GRAMD1A: variants seen among roughly 807,000 people sequenced by gnomAD.
GRAMD1A encodes protein Aster-A.
Under a neutral mutation model 92.0 loss-of-function variants are expected in GRAMD1A, and 50 were observed. The ratio of observed to expected loss-of-function variants is 0.54; its 90% CI spans 0.43 to 0.69. GRAMD1A has a LOEUF of 0.69. Among genes scored for constraint, GRAMD1A ranks in the 30% least tolerant of loss-of-function variants. The pLI is 0.00. For missense variants in GRAMD1A, 819 were observed against 978.9 expected (o/e 0.84, Z 2.18); for synonymous variants, 405 against 403.6 (o/e 1.00, Z -0.04).
At chr19:35,022,993 C>A in intron 17 of GRAMD1A, 82 bp downstream of exon 17, 1 of 1,115,994 alleles carries the variant, frequency 9.0e-7, no homozygotes, top group South Asian at 1.4e-5. Flanking sequence ...CCCATGCCCC[C>A]CAGCTCCCCC....
intron 11 of GRAMD1A, among the ~76,000 whole-genome samples, chr19:35,018,106 G>A (rs1232410161): frequency 6.6e-6 from 1 of 151,952 alleles, no homozygotes; most frequent in Admixed American, 6.6e-5. Context: ...TCCTGCCTCA[G>A]CCTCCTGAGT....
intron 1 of GRAMD1A, among the ~76,000 whole-genome samples, chr19:35,005,209 G>A: frequency 6.6e-6 from 1 of 151,968 alleles, no homozygotes; most frequent in East Asian, 1.9e-4. Flanking sequence ...GTGGGGGTTG[G>A]GGGTGGGGAG....
chr19:34,995,307 G>A (rs566887554), intron 1 of GRAMD1A, among the ~76,000 whole-genome samples: 1 of 152,326 alleles, frequency 6.6e-6, no homozygotes, highest in African/African-American at 2.4e-5. Context: ...AATAGCCCAG[G>A]CCTCCCACAG....
chr19:35,003,571 G>T (rs773747554), intron 1 of GRAMD1A, among the ~76,000 whole-genome samples: 1 of 152,188 alleles, frequency 6.6e-6, no homozygotes, highest in Non-Finnish European at 1.5e-5. Flanking sequence ...TCAGGATTCC[G>T]GCCCCCAGGC....
rs570878834 is a variant in GRAMD1A at position 35,010,270 on chromosome 19, C to T, written c.430-14C>T. On this transcript the variant is annotated splice_polypyrimidine_tract_variant and intron_variant, in intron 5 of 19. Transcript: ENST00000317991. ...GCCCCACCCCGCTCCTATTGACCCTCCTGCTGTCCTCAGATCTCCATCCAG... is the reference window on the plus strand; with the variant it reads ...GCCCCACCCCGCTCCTATTGACCCTTCTGCTGTCCTCAGATCTCCATCCAG... 83 of 1,607,318 alleles carry T rather than the reference C, an allele frequency of 5.2e-5. No homozygotes were observed. Among genetic ancestry groups the T allele is most frequent in the Non-Finnish European group, 6.8e-5 (80 of 1,173,824 alleles).
In GRAMD1A at chr19:35,013,033, G is replaced by A; in HGVS notation, c.607-223G>A. The A allele has an allele frequency of 1.8e-6, 1 of 553,940 alleles. No individual in the cohort carries two copies. Among genetic ancestry groups the A allele is most frequent in the Non-Finnish European group, 3.2e-6 (1 of 307,784 alleles). The allele number at this position is 553,940 out of a possible 1,614,324, so 34.3% of individuals were successfully genotyped here. On this transcript the variant is annotated intron_variant, in intron 7 of 19. Coordinates refer to ENST00000317991, the MANE Select transcript of GRAMD1A (RefSeq NM_020895.5). This position sits in a 1 kb window ranked among gnomAD's most constrained non-coding sequence, Gnocchi z 4.9. ...GGGAACATTCTCTGGCCAGAGTATT[G>A]TGGGGACTTGGGAAGCAGGAAGTTT...
rs2016250496 is a variant in GRAMD1A at position 35,023,735 on chromosome 19, G to T, written c.2082+188G>T. 4 of 581,302 alleles carry T rather than the reference G, an allele frequency of 6.9e-6. No homozygotes were observed. The South Asian group carries it at 1.2e-4, about 17-fold the overall frequency. The allele number at this position is 581,302 out of a possible 1,614,324, so 36.0% of individuals were successfully genotyped here. The stretch of plus-strand genomic sequence containing the variant: ...AGCATGGAAGCATGGATGGAAGACA[G>T]AACTGATTGGCTCACGTCCTGGAGA... On this transcript the variant is annotated intron_variant, in intron 19 of 19. Transcript: ENST00000317991.
rs769077888 is a variant in GRAMD1A at position 35,019,561 on chromosome 19, G to A, written c.1475+28G>A. On this transcript the variant is annotated intron_variant, in intron 13 of 19. Transcript: ENST00000317991. Reference sequence around the variant, plus strand: ...GAGTGGTGGCTGGGCCCCTCCACCCGATGCCCTGGTGGCCCCAGGGCCTCC... The same window carrying A: ...GAGTGGTGGCTGGGCCCCTCCACCCAATGCCCTGGTGGCCCCAGGGCCTCC... The A allele has an allele frequency of 6.2e-6, 10 of 1,610,480 alleles. No homozygotes were observed. In the South Asian group the frequency reaches 6.6e-5, roughly 11 times the overall value.
Position 35,014,072 on chromosome 19 carries a change from G to A in GRAMD1A, c.871-117G>A, listed in dbSNP as rs1205051783. ...GCTCGCAGCTCAGCCGTGAGCCCTCGGTGCACACACCACCCCGGGTCTGCA... is the reference window on the plus strand; with the variant it reads ...GCTCGCAGCTCAGCCGTGAGCCCTCAGTGCACACACCACCCCGGGTCTGCA... On this transcript the variant is annotated intron_variant, in intron 9 of 19. Transcript: ENST00000317991. The A allele has an allele frequency of 2.8e-5, 27 of 957,782 alleles. 1 individual carries two copies. Among genetic ancestry groups the A allele is most frequent in the South Asian group, 2.4e-4 (16 of 67,812 alleles). The allele number at this position is 957,782 out of a possible 1,614,324, so 59.3% of individuals were successfully genotyped here. A position where few individuals can be genotyped will look rare whatever the true frequency, so the allele number is the denominator to read the frequency against.
At chr19:35,015,725 G>A (rs1004727423) in intron 10 of GRAMD1A, 99 bp from the exon 11 acceptor site, 16 of 1,171,122 alleles carry the variant, frequency 1.4e-5, no homozygotes, top group East Asian at 2.6e-5. Context: ...GGTGGGGTCC[G>A]CCCATGCACA....
chr19:35,000,415 G>GCAGC lies in GRAMD1A; in HGVS notation c.-62_-59dup. ...GACGCCCAGCGCAGCCCAGCCCCGCGCAGCCCAGCCCTGCCCTGCCCTGCC... is the reference window on the plus strand; with the variant it reads ...GACGCCCAGCGCAGCCCAGCCCCGCGCAGCCAGCCCAGCCCTGCCCTGCCCTGCC... On this transcript the variant is annotated 5_prime_UTR_variant, in exon 1 of 20. Coordinates refer to ENST00000317991, the MANE Select transcript of GRAMD1A (RefSeq NM_020895.5). The surrounding 1 kb of genome is among the most constrained non-coding windows in gnomAD (Gnocchi z 4.9). 1.9e-6 allele frequency: 1 copy of GCAGC among 528,250 alleles called. No individual in the cohort carries two copies. Among genetic ancestry groups the GCAGC allele is most frequent in the Non-Finnish European group, 2.4e-6 (1 of 416,662 alleles). 32.7% of individuals were successfully genotyped at this position (528,250 alleles called of 1,614,324 possible).
chr19:35,024,554 C>T (rs2016304208), intron 19 of GRAMD1A, among the ~76,000 whole-genome samples: 2 of 152,160 alleles, frequency 1.3e-5, no homozygotes, highest in South Asian at 4.1e-4. Context: ...CAGAGTCTGG[C>T]ATTGCCTGCA....
intron 1 of GRAMD1A, among the ~76,000 whole-genome samples, chr19:35,003,061 G>GGTGTGTGTGTGTGTGT (rs58809497): frequency 9.6e-4 from 136 of 142,318 alleles, no homozygotes; most frequent in African/African-American, 3.4e-3. Context: ...CAATGCTGCA[G>GGTGTGTGTGTGTGTGT]GTGTGTGTGT....
rs1320300155 is a variant in GRAMD1A, at chr19:35,021,494, A to T, written c.1476-8A>T. The T allele has an allele frequency of 1.2e-6, 2 of 1,608,904 alleles. No individual in the cohort carries two copies. Among genetic ancestry groups the T allele is most frequent in the East Asian group, 4.5e-5 (2 of 44,862 alleles). ...CCTTACCTCCTTCCCCTGATCTCCCAACCCCAGAGTGTCTTCTGAGATCCG... is the reference window on the plus strand; with the variant it reads ...CCTTACCTCCTTCCCCTGATCTCCCTACCCCAGAGTGTCTTCTGAGATCCG... On this transcript the variant is annotated splice_polypyrimidine_tract_variant and splice_region_variant and intron_variant, in intron 13 of 19. Coordinates refer to ENST00000317991, the MANE Select transcript of GRAMD1A (RefSeq NM_020895.5). The surrounding 1 kb of genome is among the most constrained non-coding windows in gnomAD (Gnocchi z 5.3).
At chr19:35,009,505 C>T in intron 3 of GRAMD1A, 62 bp downstream of exon 3, 2 of 1,567,270 alleles carry the variant, frequency 1.3e-6, no homozygotes, top group South Asian at 2.2e-5. Context: ...GGCCAGGAGC[C>T]CCAGGCTGCA....
chr19:35,014,402 C>T lies in GRAMD1A; in HGVS notation c.1069+15C>T, dbSNP rs1479425219. 1 of 1,608,854 alleles carries T rather than the reference C, an allele frequency of 6.2e-7. No individual in the cohort carries two copies. The highest frequency in any genetic ancestry group is 8.5e-7 in the Non-Finnish European group (1 of 1,175,426). On this transcript the variant is annotated intron_variant, in intron 10 of 19. Coordinates refer to ENST00000317991, the MANE Select transcript of GRAMD1A (RefSeq NM_020895.5). ...TGGGGAGGAAGGTGAGGCAGGCGGG[C>T]CCAATTCATTCGCCTCCGGTACTTG...
chr19:35,022,953 C>A, intron 17 of GRAMD1A, 42 bp downstream of exon 17: 1 of 1,434,804 alleles, frequency 7.0e-7, no homozygotes. Flanking sequence ...CTCCCTGCAC[C>A]CCACCCCTGC....
upstream of GRAMD1A, chr19:35,000,111 T>G: frequency 1.0e-6 from 1 of 991,802 alleles, no homozygotes; most frequent in African/African-American, 1.7e-5. This position sits in a 1 kb window ranked among gnomAD's most constrained non-coding sequence, Gnocchi z 4.9. Context: ...ATGTTTGGTT[T>G]TAATAAAGTC....
chr19:35,025,905 G>C lies in GRAMD1A; in HGVS notation c.2083-144G>C, dbSNP rs530520655. ...AAGTTAAACTGGGTGCAGCATGGCT[G>C]TGCTCTTTTCACCAAGGGACCCTGG... is the stretch of plus-strand genomic sequence containing the variant. On this transcript the variant is annotated intron_variant, in intron 19 of 19. Transcript: ENST00000317991. The C allele has an allele frequency of 2.1e-3, 1,379 of 645,828 alleles. 3 individuals carry two copies. Among genetic ancestry groups the C allele is most frequent in the Non-Finnish European group, 3.5e-3 (1,227 of 352,352 alleles). 40.0% of individuals were successfully genotyped at this position (645,828 alleles called of 1,614,324 possible).
Sources: gnomAD v4.1 joint callset for allele counts (sites outside exome capture counted in the v4.1 genomes callset) on GRCh38, gnomAD v4.1.1 for gene constraint, Gnocchi (gnomAD v3.1) non-coding constraint, MANE v1.5 for transcripts, NCBI Gene and HGNC (gene_info 2026-07-23, HGNC 2026-07-21) for gene names.